The following TTC6 variants were observed in gnomAD, a reference collection of about 807,000 sequenced individuals.
TTC6 encodes tetratricopeptide repeat protein 6.
A neutral mutation model predicts 210.4 loss-of-function variants in TTC6; 172 were observed. That is an observed-to-expected ratio of 0.82 (90% CI 0.72 to 0.93). TTC6 has a LOEUF of 0.93. Ranked by LOEUF, TTC6 falls within the 40% of genes least tolerant of loss-of-function variation. The probability of loss-of-function intolerance (pLI) is 0.00; values close to 1 mark genes in which losing one functional copy is unlikely to be tolerated. For synonymous variants in TTC6, 804 were observed against 819.6 expected (o/e 0.98, Z 0.32); for missense variants, 2,414 against 2,318.1 (o/e 1.04, Z -0.85).
chr14:37,759,781 T>A (rs1465709397), intron 14 of TTC6, among the ~76,000 whole-genome samples: 1 of 152,346 alleles, frequency 6.6e-6, no homozygotes, highest in East Asian at 1.9e-4. Flanking sequence ...TTTTTTCTAC[T>A]TGATTGATTT....
intron 2 of TTC6, 91 bp downstream of exon 2, chr14:37,606,833 C>T: frequency 1.1e-6 from 1 of 949,360 alleles, no homozygotes; most frequent in South Asian, 4.8e-5. Flanking sequence ...TGGAGTACAG[C>T]CATGAAGGCT....
chr14:37,840,552 A>T (rs2139057978), intron 29 of TTC6, among the ~76,000 whole-genome samples: 1 of 152,234 alleles, frequency 6.6e-6, no homozygotes, highest in African/African-American at 2.4e-5. Flanking sequence ...AAAAAAAAGA[A>T]ATTTTTAGGC....
chr14:37,606,667 A>T (rs1231034286), exon 2 of TTC6: 1 of 962,318 alleles, frequency 1.0e-6, no homozygotes, highest in Non-Finnish European at 1.2e-6. Flanking sequence ...CCCTAGGAAA[A>T]CCCTTTCCTG....
At chr14:37,603,496 T>C (rs912127575) in intron 1 of TTC6, among the ~76,000 whole-genome samples, 1 of 152,218 alleles carries the variant, frequency 6.6e-6, no homozygotes, top group Non-Finnish European at 1.5e-5. Flanking sequence ...CTGGGATAAT[T>C]GGCACCGCAA....
intron 29 of TTC6, among the ~76,000 whole-genome samples, chr14:37,827,636 C>G (rs2096175252): frequency 6.6e-6 from 1 of 151,830 alleles, no homozygotes; most frequent in African/African-American, 2.4e-5. Flanking sequence ...CTTATTGAGA[C>G]ATAATTGACA....
chr14:37,797,241 G>A lies in TTC6; in HGVS notation c.4029+294G>A, dbSNP rs78931868. On this transcript the variant is annotated intron_variant, in intron 20 of 30. Transcript: ENST00000553443. ...AATGTTTAACTTTCAAGGAAATGAC[G>A]CGTTGTTTCATAGGGCGGTACCAAT... Among the ~76,000 whole-genome samples, 1,040 of 152,080 alleles carry A rather than the reference G, an allele frequency of 6.8e-3. 16 individuals carry two copies. Among genetic ancestry groups the A allele is most frequent in the African/African-American group, 0.024 (1,007 of 41,524 alleles).
rs536700378 is a variant in TTC6 at position 37,663,565 on chromosome 14, A to T, written c.940-16586A>T. Reference sequence around the variant, plus strand: ...TGAAGTGTTCATCCCCAATTATCCTACTCATACTATCAAATTCAAACTTTT... The same window carrying T: ...TGAAGTGTTCATCCCCAATTATCCTTCTCATACTATCAAATTCAAACTTTT... On this transcript the variant is annotated intron_variant, in intron 1 of 30. Transcript: ENST00000553443. 3.3e-5 allele frequency among the ~76,000 whole-genome samples: 5 copies of T among 152,154 alleles called. No homozygotes were observed. In the South Asian group the frequency reaches 8.3e-4, roughly 25 times the overall value.
chr14:37,680,381 A>G (rs2095780616), intron 2 of TTC6, 120 bp downstream of exon 4: 1 of 642,574 alleles, frequency 1.6e-6, no homozygotes, highest in South Asian at 2.2e-5. Flanking sequence ...AAGTGTGTTT[A>G]CCTGTGAGAG....
At chr14:37,721,112 A>C (rs1171093360) in intron 6 of TTC6, among the ~76,000 whole-genome samples, 1 of 151,894 alleles carries the variant, frequency 6.6e-6, no homozygotes, top group Non-Finnish European at 1.5e-5. Context: ...ATAAGAAAAA[A>C]AATGTAGCCT....
chr14:37,754,383 C>T (rs2095961390), intron 14 of TTC6, among the ~76,000 whole-genome samples: 1 of 151,572 alleles, frequency 6.6e-6, no homozygotes, highest in South Asian at 2.1e-4. Flanking sequence ...TGATGGTTTC[C>T]AGCTTCATCC....
At position 37,741,273 on chromosome 14, in the gene TTC6, CTTTTTTTTTTTTTTTTTTTTTTTT is replaced by C. The variant is rs10600031; in HGVS notation, c.2363+2133_2363+2156del. On this transcript the variant is annotated intron_variant, in intron 10 of 30. Transcript: ENST00000553443. ...CCTATACTTTGAGACTTTTTTCCCA[CTTTTTTTTTTTTTTTTTTTTTTTT>C]TTTTTTTTTTTTTTGAGACAGAGTC... Among the ~76,000 whole-genome samples the C allele has an allele frequency of 3.6e-4, 30 of 82,298 alleles. No individual in the cohort carries two copies. In the South Asian group the frequency reaches 0.013, roughly 36 times the overall value. 54.0% of individuals were successfully genotyped at this position (82,298 alleles called of 152,430 possible).
Position 37,829,788 on chromosome 14 carries a change from A to G in TTC6, c.5298+2422A>G, listed in dbSNP as rs145801922. Reference sequence around the variant, plus strand: ...AAGTGCTGACACTTGGGGAAATCCAAAAGAATAGTTACTGTGGGTTCACTT... The same window carrying G: ...AAGTGCTGACACTTGGGGAAATCCAGAAGAATAGTTACTGTGGGTTCACTT... On this transcript the variant is annotated intron_variant, in intron 29 of 30. Transcript: ENST00000553443. Among the ~76,000 whole-genome samples, 1,204 of 152,224 alleles carry G rather than the reference A, an allele frequency of 7.9e-3. 8 individuals carry two copies. Among genetic ancestry groups the G allele is most frequent in the Non-Finnish European group, 0.012 (808 of 67,970 alleles).
chr14:37,707,594 A>T (rs1331314984), intron 5 of TTC6, among the ~76,000 whole-genome samples: 5 of 151,990 alleles, frequency 3.3e-5, no homozygotes, highest in Admixed American at 3.3e-4. Flanking sequence ...GCTTTTGTTT[A>T]TCTGAATTTT....
chr14:37,674,425 T>G (rs998058182), intron 1 of TTC6, among the ~76,000 whole-genome samples: 7 of 152,146 alleles, frequency 4.6e-5, no homozygotes, highest in Admixed American at 3.3e-4. Flanking sequence ...CATCCTTATT[T>G]TGCTTTTTAT....
At chr14:37,841,068 C>T (rs1315864550) in intron 29 of TTC6, among the ~76,000 whole-genome samples, 1 of 152,104 alleles carries the variant, frequency 6.6e-6, no homozygotes, top group Non-Finnish European at 1.5e-5. Context: ...GGGGTTTCCC[C>T]ATGTTGGCTA....
At chr14:37,833,278 ATATATCTG>A (rs1227618401) in intron 29 of TTC6, among the ~76,000 whole-genome samples, 1 of 152,130 alleles carries the variant, frequency 6.6e-6, no homozygotes, top group East Asian at 1.9e-4. Context: ...TAATTGCTTT[ATATATCTG>A]GGTGTTCAAG....
At chr14:37,821,912 C>G (rs1183623866) in intron 26 of TTC6, among the ~76,000 whole-genome samples, 1 of 151,100 alleles carries the variant, frequency 6.6e-6, no homozygotes, top group African/African-American at 2.4e-5. Flanking sequence ...TCCCGAGTAG[C>G]TGGGACTACA....
chr14:37,771,705 C>T (rs2096019502), intron 14 of TTC6, among the ~76,000 whole-genome samples: 1 of 152,128 alleles, frequency 6.6e-6, no homozygotes, highest in Non-Finnish European at 1.5e-5. Context: ...ATACATTCTT[C>T]CAAATTTTTT....
chr14:37,744,704 G>T (rs923083384), intron 10 of TTC6, among the ~76,000 whole-genome samples: 35 of 152,150 alleles, frequency 2.3e-4, no homozygotes, highest in African/African-American at 8.4e-4. Context: ...GGGTAGTGAT[G>T]TTTATAGGTT....
Sources: gnomAD v4.1 joint callset for allele counts (sites outside exome capture counted in the v4.1 genomes callset) on GRCh38, gnomAD v4.1.1 for gene constraint, MANE v1.5 for transcripts, NCBI Gene and HGNC (gene_info 2026-07-23, HGNC 2026-07-21) for gene names.